The following MECOM variants were observed in gnomAD, a reference collection of about 807,000 sequenced individuals.
The protein encoded by MECOM is histone-lysine N-methyltransferase MECOM.
A neutral mutation model predicts 116.3 loss-of-function variants in MECOM; 13 were observed. The observed-to-expected ratio is 0.11, with a 90% CI of 0.07 to 0.18. The LOEUF (loss-of-function observed/expected upper bound fraction) is 0.18. Ranked by LOEUF, MECOM falls within the 10% of genes least tolerant of loss-of-function variation. The pLI is 1.00. For missense variants in MECOM, 1,299 were observed against 1,509.0 expected, an observed-to-expected ratio of 0.86 and a Z score of 2.31; for synonymous variants, 528 against 535.2, an observed-to-expected ratio of 0.99 and a Z score of 0.19.
chr3:169,471,429 A>G (rs1560315691), intron 1 of MECOM, among the ~76,000 whole-genome samples: 1 of 148,276 alleles, frequency 6.7e-6, no homozygotes, highest in Non-Finnish European at 1.5e-5. Flanking sequence ...CCTAGCAAGC[A>G]TTGAATACAT....
At chr3:169,290,921 G>A (rs1714425280) in intron 2 of MECOM, among the ~76,000 whole-genome samples, 1 of 152,064 alleles carries the variant, frequency 6.6e-6, no homozygotes, top group Admixed American at 6.6e-5. Context: ...TTTTTAGAAT[G>A]TAGCAGAACA....
chr3:169,546,516 G>A (rs773970098), intron 1 of MECOM, among the ~76,000 whole-genome samples: 3 of 152,204 alleles, frequency 2.0e-5, no homozygotes, highest in Non-Finnish European at 4.4e-5. Flanking sequence ...CTGGTCCAAT[G>A]TACACATCTG....
At chr3:169,191,752 A>AAGAT (rs1747685583) in intron 2 of MECOM, among the ~76,000 whole-genome samples, 1 of 134,916 alleles carries the variant, frequency 7.4e-6, no homozygotes, top group South Asian at 2.5e-4. Context: ...GAAAGAAAGA[A>AAGAT]AGAAAGAAAG....
chr3:169,326,368 CT>C (rs141262630), intron 2 of MECOM, among the ~76,000 whole-genome samples: 9,606 of 152,148 alleles, frequency 0.063, 331 homozygotes, highest in African/African-American at 0.081. Context: ...AAACATTTTC[CT>C]TGTGTACAAG....
chr3:169,647,999 A>T (rs747760370), intron 1 of MECOM, among the ~76,000 whole-genome samples: 39 of 152,180 alleles, frequency 2.6e-4, no homozygotes, highest in Non-Finnish European at 4.4e-4. Flanking sequence ...ACGCCTAAGA[A>T]AAAAAACAAG....
chr3:169,335,597 A>G (rs1418422676), intron 2 of MECOM, among the ~76,000 whole-genome samples: 1 of 152,276 alleles, frequency 6.6e-6, no homozygotes, highest in East Asian at 1.9e-4. Context: ...TAAATATATA[A>G]CTGAGATTCA....
chr3:169,367,353 T>G (rs1453695762), intron 2 of MECOM, among the ~76,000 whole-genome samples: 16 of 151,748 alleles, frequency 1.1e-4, no homozygotes, highest in Non-Finnish European at 1.5e-5. Flanking sequence ...TTTTTAATTT[T>G]TTTTTTGTGG....
Position 169,626,347 on chromosome 3 carries a change from A to G in MECOM, c.37+36989T>C, listed in dbSNP as rs562156225. Among the ~76,000 whole-genome samples, 7 of 152,354 alleles carry G rather than the reference A, an allele frequency of 4.6e-5. No individual in the cohort carries two copies. The East Asian group carries it at 1.3e-3, about 29-fold the overall frequency. On this transcript the variant is annotated intron_variant, in intron 1 of 16. Transcript: ENST00000651503. The stretch of plus-strand genomic sequence containing the variant: ...GACTGGCATAAACAGACTTTGCCCA[A>G]TTAAAGAGTTAATAATCATTGAGCG...
At chr3:169,499,787 T>C (rs1754310736) in intron 1 of MECOM, among the ~76,000 whole-genome samples, 1 of 152,130 alleles carries the variant, frequency 6.6e-6, no homozygotes, top group Non-Finnish European at 1.5e-5. Flanking sequence ...TAAAATGTAT[T>C]AAAGTCCTTG....
chr3:169,131,974 C>T (rs1734864486), intron 3 of MECOM: 7 of 993,554 alleles, frequency 7.0e-6, no homozygotes, highest in Non-Finnish European at 8.4e-6. Flanking sequence ...GCAAAAGTAG[C>T]GCCTTCTCAA....
Position 169,089,136 on chromosome 3 carries a change from A to T in MECOM, c.3449T>A (p.Ile1150Lys). The change falls in exon 16 of 17, where the codon ATA (isoleucine) becomes AAA (lysine). Residue 1150 changes from isoleucine (I) to lysine (K), a missense_variant. By Grantham distance (102) the Ile-to-Lys change is moderately radical (BLOSUM62 -3). Transcript: ENST00000651503. ...YKSGLSALDHIRHFTDSLKMR... is the reference protein window; with the variant it reads ...YKSGLSALDHKRHFTDSLKMR... ...TTTGAGGCTATCTGTGAAGTGCCTT[A>T]TATGATCTAGAGCAGAAAGTCCACT... 6.3e-7 allele frequency: 1 copy of T among 1,599,212 alleles called. No individual in the cohort carries two copies.
intron 13 of MECOM, among the ~76,000 whole-genome samples, chr3:169,093,635 T>C (rs1298499826): frequency 6.6e-6 from 1 of 152,224 alleles, no homozygotes; most frequent in Admixed American, 6.5e-5. Flanking sequence ...GTCCAGGGGT[T>C]GGTGCAGTAT....
chr3:169,555,938 A>G (rs1268293331), intron 1 of MECOM, among the ~76,000 whole-genome samples: 3 of 152,194 alleles, frequency 2.0e-5, no homozygotes, highest in Non-Finnish European at 4.4e-5. Flanking sequence ...AAAATGGGGG[A>G]CTAAGTCATG....
intron 2 of MECOM, chr3:169,149,476 C>T (rs991101695): frequency 4.2e-6 from 1 of 239,148 alleles, no homozygotes; most frequent in Non-Finnish European, 8.8e-6. Flanking sequence ...GCAGGTACGG[C>T]AGGACGCCGG....
intron 1 of MECOM, among the ~76,000 whole-genome samples, chr3:169,601,532 C>T (rs759704318): frequency 1.3e-5 from 2 of 152,074 alleles, no homozygotes; most frequent in Non-Finnish European, 2.9e-5. Flanking sequence ...GGTCCTGCGC[C>T]GCAGTAGAAA....
At chr3:169,227,265 A>G (rs1479227675) in intron 2 of MECOM, among the ~76,000 whole-genome samples, 2 of 152,176 alleles carry the variant, frequency 1.3e-5, no homozygotes, top group African/African-American at 4.8e-5. Flanking sequence ...AGCAAAATAA[A>G]ATACATACTT....
At position 169,095,524 on chromosome 3, in the gene MECOM, A is replaced by G. The variant is rs773273006; in HGVS notation, c.2850-279T>C. On this transcript the variant is annotated intron_variant, in intron 12 of 16. Transcript: ENST00000651503. ...CAATATTTTAAGTAAACCTCATAAA[A>G]TAAAGCACATTGAGGAACAGTAGCA... Among the ~76,000 whole-genome samples the G allele has an allele frequency of 2.6e-5, 4 of 152,192 alleles. No homozygotes were observed. In the South Asian group the frequency reaches 8.3e-4, roughly 32 times the overall value.
chr3:169,153,592 G>A (rs1009334873), intron 2 of MECOM, among the ~76,000 whole-genome samples: 3 of 152,074 alleles, frequency 2.0e-5, no homozygotes, highest in Non-Finnish European at 4.4e-5. Flanking sequence ...AGCACATTAT[G>A]CAATAACTCC....
intron 10 of MECOM, among the ~76,000 whole-genome samples, chr3:169,107,133 C>A (rs1407729499): frequency 6.6e-6 from 1 of 151,856 alleles, no homozygotes; most frequent in Non-Finnish European, 1.5e-5. Flanking sequence ...AAACTATATC[C>A]CAAGATTTTG....
Sources: allele counts gnomAD v4.1 joint callset (sites outside exome capture counted in the v4.1 genomes callset), GRCh38; gene constraint gnomAD v4.1.1; transcripts MANE v1.5; gene names NCBI Gene and HGNC (gene_info 2026-07-23, HGNC 2026-07-21).